Variants in PRR5L observed in about 807,000 individuals in gnomAD.
The protein encoded by PRR5L is proline-rich protein 5-like.
In PRR5L, 21 loss-of-function variants were observed where a neutral mutation model predicts 36.4. The observed-to-expected ratio is 0.58, with a 90% confidence interval of 0.41 to 0.83. The LOEUF is 0.83. Among genes scored for constraint, PRR5L ranks in the 40% least tolerant of loss-of-function variants. The probability of loss-of-function intolerance (pLI) is 0.00; values close to 1 mark genes in which losing one functional copy is unlikely to be tolerated. For missense variants in PRR5L, 381 were observed against 473.3 expected, an observed-to-expected ratio of 0.80 and a Z score of 1.81; for synonymous variants, 188 against 197.0, an observed-to-expected ratio of 0.95 and a Z score of 0.38.
intron 4 of PRR5L, among the ~76,000 whole-genome samples, chr11:36,431,414 C>T (rs566066565): frequency 5.9e-5 from 9 of 152,188 alleles, no homozygotes; most frequent in East Asian, 5.8e-4. Flanking sequence ...AGATTTTGCA[C>T]GCAGTCTCTT....
intron 1 of PRR5L, among the ~76,000 whole-genome samples, chr11:36,319,078 C>T (rs1856587814): frequency 6.6e-6 from 1 of 152,134 alleles, no homozygotes; most frequent in Non-Finnish European, 1.5e-5. Context: ...TGAGTAGGCA[C>T]TGTATGAAAT....
intron 1 of PRR5L, among the ~76,000 whole-genome samples, chr11:36,378,205 A>G (rs927807937): frequency 1.3e-5 from 2 of 152,104 alleles, no homozygotes; most frequent in East Asian, 3.9e-4. Context: ...TCAGGAGGGG[A>G]AATGGAGCTT....
chr11:36,351,930 G>A (rs548629269), intron 1 of PRR5L, among the ~76,000 whole-genome samples: 1 of 150,512 alleles, frequency 6.6e-6, no homozygotes, highest in African/African-American at 2.5e-5. Flanking sequence ...TTTTCCTCTG[G>A]GTAGAAACCC....
chr11:36,401,350 C>T lies in PRR5L; in HGVS notation c.164+65C>T, dbSNP rs545627506. The T allele has an allele frequency of 3.2e-5, 48 of 1,483,694 alleles. No individual in the cohort carries two copies. The East Asian group carries it at 3.9e-4, about 12-fold the overall frequency. The allele number at this position is 1,483,694 out of a possible 1,614,324, so 91.9% of individuals were successfully genotyped here. A position where few individuals can be genotyped will look rare whatever the true frequency, so the allele number is the denominator to read the frequency against. Reference sequence around the variant, plus strand: ...GGGCCATGGCAGGGAGGGAGGCATCCGGGGGCTGACTGAGCTTCTGCTGAT... The same window carrying T: ...GGGCCATGGCAGGGAGGGAGGCATCTGGGGGCTGACTGAGCTTCTGCTGAT... On this transcript the variant is annotated intron_variant, in intron 2 of 8. Transcript: ENST00000530639.
At chr11:36,404,637 A>C (rs1857872802) in intron 3 of PRR5L, among the ~76,000 whole-genome samples, 1 of 152,098 alleles carries the variant, frequency 6.6e-6, no homozygotes. Context: ...TCAAGGCTAA[A>C]GACCCAACCC....
intron 1 of PRR5L, among the ~76,000 whole-genome samples, chr11:36,389,387 C>T (rs1312256967): frequency 2.0e-5 from 3 of 152,138 alleles, no homozygotes; most frequent in Admixed American, 2.0e-4. Context: ...CTAACTATAG[C>T]TTTTTGCGCC....
chr11:36,337,582 GT>G (rs1383229013), intron 1 of PRR5L, among the ~76,000 whole-genome samples: 1 of 152,164 alleles, frequency 6.6e-6, no homozygotes, highest in African/African-American at 2.4e-5. Context: ...CTCCAAACAG[GT>G]TTCAGCACAT....
At chr11:36,364,433 A>G (rs1857124176) in intron 1 of PRR5L, among the ~76,000 whole-genome samples, 1 of 152,122 alleles carries the variant, frequency 6.6e-6, no homozygotes, top group African/African-American at 2.4e-5. Context: ...TGACTCCACC[A>G]CTTAATTAGA....
At chr11:36,397,443 CTTTTTTTTTTTTTTTTT>C (rs34024197) in intron 1 of PRR5L, among the ~76,000 whole-genome samples, 5 of 35,076 alleles carry the variant, frequency 1.4e-4, no homozygotes, top group South Asian at 1.7e-3. Flanking sequence ...CAGCCGATGC[CTTTTTTTTTTTTTTTTT>C]TTTTTTTTTT....
intron 8 of PRR5L, among the ~76,000 whole-genome samples, chr11:36,458,326 C>T (rs765196436): frequency 3.9e-5 from 6 of 152,302 alleles, no homozygotes; most frequent in Admixed American, 1.3e-4. Context: ...CCAAGAGAAA[C>T]GGGGCTGAGC....
At chr11:36,317,146 G>T (rs191786684) in intron 1 of PRR5L, among the ~76,000 whole-genome samples, 2 of 152,208 alleles carry the variant, frequency 1.3e-5, no homozygotes, top group Non-Finnish European at 2.9e-5. Context: ...ATGGGAAGTC[G>T]GAGCACAGGG....
chr11:36,307,365 C>T (rs1048740891), intron 1 of PRR5L, among the ~76,000 whole-genome samples: 3 of 152,160 alleles, frequency 2.0e-5, no homozygotes, highest in South Asian at 2.1e-4. Flanking sequence ...ACTGTTAAGA[C>T]GCTTTCAACT....
At chr11:36,399,501 G>A (rs79765041) in intron 1 of PRR5L, among the ~76,000 whole-genome samples, 2 of 152,100 alleles carry the variant, frequency 1.3e-5, no homozygotes, top group African/African-American at 4.8e-5. Context: ...GTGAGACTTC[G>A]GTTCCTCCTT....
chr11:36,415,093 C>T (rs1411895186), intron 3 of PRR5L, among the ~76,000 whole-genome samples: 2 of 150,940 alleles, frequency 1.3e-5, no homozygotes, highest in Non-Finnish European at 2.9e-5. Flanking sequence ...GTAGCAGTAC[C>T]ATGCTGTTTT....
intron 1 of PRR5L, among the ~76,000 whole-genome samples, chr11:36,350,320 AATGTGTGAGTGTGTGTGTATGC>A (rs978277243): frequency 6.7e-6 from 1 of 148,546 alleles, no homozygotes; most frequent in African/African-American, 2.5e-5. Flanking sequence ...GGTGTGTGTG[AATGTGTGAGTGTGTGTGTATGC>A]ATGTGTGTGC....
chr11:36,326,255 G>T (rs576963856), intron 1 of PRR5L, among the ~76,000 whole-genome samples: 1 of 150,940 alleles, frequency 6.6e-6, no homozygotes, highest in South Asian at 2.1e-4. Flanking sequence ...AACTGCAAAT[G>T]TTATAACTTT....
intron 8 of PRR5L, among the ~76,000 whole-genome samples, chr11:36,458,217 G>A (rs932453325): frequency 2.3e-4 from 35 of 152,118 alleles, no homozygotes; most frequent in African/African-American, 8.0e-4. Flanking sequence ...GACTTCAGTG[G>A]GTGGGCTGCT....
At chr11:36,422,772 G>A (rs949784574) in intron 4 of PRR5L, among the ~76,000 whole-genome samples, 2 of 152,074 alleles carry the variant, frequency 1.3e-5, no homozygotes, top group Admixed American at 1.3e-4. Context: ...CGTCCATAAG[G>A]CACTGGCTGG....
In PRR5L at chr11:36,346,135, A is replaced by T. The variant is rs187492461; in HGVS notation, c.-126+49697A>T. On this transcript the variant is annotated intron_variant, in intron 1 of 8. Coordinates refer to ENST00000530639, the MANE Select transcript of PRR5L (RefSeq NM_001160167.2). ...AAAAAATAAATCCATCTTTTGAAGGATTTATTTTTTAATATTTTTGTAGAG... is the reference window on the plus strand; with the variant it reads ...AAAAAATAAATCCATCTTTTGAAGGTTTTATTTTTTAATATTTTTGTAGAG... Among the ~76,000 whole-genome samples the T allele has an allele frequency of 2.8e-4, 42 of 152,104 alleles. 1 individual carries two copies. Among genetic ancestry groups the T allele is most frequent in the African/African-American group, 1.0e-3 (42 of 41,500 alleles).
Sources: allele counts gnomAD v4.1 joint callset (sites outside exome capture counted in the v4.1 genomes callset), GRCh38; gene constraint gnomAD v4.1.1; transcripts MANE v1.5; gene names NCBI Gene and HGNC (gene_info 2026-07-23, HGNC 2026-07-21).